CHL1: variants seen among roughly 807,000 people sequenced by gnomAD.
The protein encoded by CHL1 is cell adhesion molecule L1 like.
CHL1 carries 96 observed loss-of-function variants against 141.9 expected under a neutral mutation model. That is an observed-to-expected ratio of 0.68 (90% confidence interval 0.57 to 0.80). CHL1 has a LOEUF of 0.80. Ranked by LOEUF, CHL1 falls within the 30% of genes least tolerant of loss-of-function variation. CHL1 has a pLI of 0.00. For missense variants in CHL1, 1,820 were observed against 1,457.2 expected (o/e 1.25, Z -4.05); for synonymous variants, 613 against 502.2 (o/e 1.22, Z -2.95).
chr3:304,771 G>C (rs938960055), intron 2 of CHL1, among the ~76,000 whole-genome samples: 1 of 152,068 alleles, frequency 6.6e-6, no homozygotes, highest in Non-Finnish European at 1.5e-5. Context: ...GCTATTTCAT[G>C]TCTTTTGCTA....
At chr3:344,837 C>T (rs1499046) in intron 9 of CHL1, 128 bp downstream of exon 9, 574,775 of 925,952 alleles carry the variant, frequency 0.62, 182,923 homozygotes, top group Middle Eastern at 0.69. Flanking sequence ...TAAATTCTGC[C>T]GGGCACTGCA....
chr3:325,279 A>G (rs916579742), intron 3 of CHL1, among the ~76,000 whole-genome samples: 4 of 152,016 alleles, frequency 2.6e-5, no homozygotes, highest in African/African-American at 9.7e-5. Context: ...GCAAAAATAT[A>G]GAGAACCACT....
intron 1 of CHL1, among the ~76,000 whole-genome samples, chr3:198,615 TAATTTAACACCATAGATTTTTA>T (rs1201033272): frequency 6.6e-6 from 1 of 152,250 alleles, no homozygotes; most frequent in Non-Finnish European, 1.5e-5. Context: ...ATGATACAAG[TAATTTAACACCATAGATTTTTA>T]AATTTAACAC....
At chr3:265,510 C>CA (rs1695075454) in intron 2 of CHL1, among the ~76,000 whole-genome samples, 1 of 152,140 alleles carries the variant, frequency 6.6e-6, no homozygotes. Context: ...ACCTTTTAGT[C>CA]AAAAAATGCA....
intron 9 of CHL1, among the ~76,000 whole-genome samples, chr3:347,879 G>A (rs1317767136): frequency 6.6e-6 from 1 of 152,148 alleles, no homozygotes; most frequent in African/African-American, 2.4e-5. Context: ...ATTATTCCAG[G>A]CTGCACAGCA....
intron 1 of CHL1, among the ~76,000 whole-genome samples, chr3:205,256 G>A (rs1412592440): frequency 1.3e-5 from 2 of 151,698 alleles, no homozygotes; most frequent in Non-Finnish European, 2.9e-5. Context: ...GACTACAGAC[G>A]GGCACCATCA....
At chr3:357,367 T>C (rs1703812263) in intron 11 of CHL1, among the ~76,000 whole-genome samples, 1 of 152,208 alleles carries the variant, frequency 6.6e-6, no homozygotes, top group Non-Finnish European at 1.5e-5. Context: ...ATCAAAATGA[T>C]TGCTATTATT....
At chr3:337,945 A>T (rs1702049064) in intron 5 of CHL1, among the ~76,000 whole-genome samples, 1 of 152,016 alleles carries the variant, frequency 6.6e-6, no homozygotes, top group South Asian at 2.1e-4. Context: ...GAGGAATAAC[A>T]CTGTCTTCCA....
intron 2 of CHL1, among the ~76,000 whole-genome samples, chr3:252,606 A>C (rs76046833): frequency 0.013 from 2,028 of 151,694 alleles, 54 homozygotes; most frequent in African/African-American, 0.047. Flanking sequence ...TCGAGTGAAA[A>C]TTAGATCTCA....
Position 394,869 on chromosome 3 carries a change from G to A in CHL1, c.3091G>A (p.Gly1031Arg). 1 of 1,607,696 alleles carries A rather than the reference G, an allele frequency of 6.2e-7. No individual in the cohort carries two copies. ...ITEESSTLGE[G>R]SKGIGKISGV... ...GGAGGAAAGCTCCACCTTAGGAGAAGGGAGTAAGTACATGAGGCTTCTCTT... is the reference window on the plus strand; with the variant it reads ...GGAGGAAAGCTCCACCTTAGGAGAAAGGAGTAAGTACATGAGGCTTCTCTT... The change falls in exon 24 of 28, where the codon GGG (glycine) becomes AGG (arginine). Residue 1031 changes from glycine to arginine, a missense_variant. Transcript: ENST00000256509.
At chr3:222,605 T>C (rs986600888) in intron 1 of CHL1, among the ~76,000 whole-genome samples, 2 of 152,138 alleles carry the variant, frequency 1.3e-5, no homozygotes, top group African/African-American at 2.4e-5. Context: ...TAGATGGACT[T>C]GTAAATGATT....
chr3:206,387 A>G (rs1450473334), intron 1 of CHL1, among the ~76,000 whole-genome samples: 2 of 151,698 alleles, frequency 1.3e-5, no homozygotes, highest in Non-Finnish European at 2.9e-5. Context: ...AATCACTTGA[A>G]CCCAGGAGGC....
intron 2 of CHL1, among the ~76,000 whole-genome samples, chr3:293,503 A>T (rs1309864186): frequency 6.6e-6 from 1 of 152,084 alleles, no homozygotes; most frequent in Non-Finnish European, 1.5e-5. Flanking sequence ...ACACTCCATC[A>T]AAAAAAATTT....
chr3:266,310 C>T (rs1018453240), intron 2 of CHL1, among the ~76,000 whole-genome samples: 2 of 152,024 alleles, frequency 1.3e-5, no homozygotes, highest in East Asian at 1.9e-4. Context: ...GATGCACCAG[C>T]GAGCGACAAA....
At chr3:231,749 G>C (rs1701884564) in intron 1 of CHL1, among the ~76,000 whole-genome samples, 1 of 151,720 alleles carries the variant, frequency 6.6e-6, no homozygotes, top group African/African-American at 2.4e-5. Flanking sequence ...GCTAATTTTT[G>C]TATTTTTAGT....
At chr3:348,219 T>C (rs1259571617) in intron 9 of CHL1, among the ~76,000 whole-genome samples, 1 of 152,192 alleles carries the variant, frequency 6.6e-6, no homozygotes, top group Non-Finnish European at 1.5e-5. Flanking sequence ...GGGTATATCA[T>C]TTATTGCTCC....
At position 204,223 on chromosome 3, in the gene CHL1, T is replaced by C. The variant is rs9815955; in HGVS notation, c.-175+7160T>C. 4.6e-3 allele frequency among the ~76,000 whole-genome samples: 695 copies of C among 152,304 alleles called. 4 individuals are homozygous for C. Among genetic ancestry groups the C allele is most frequent in the African/African-American group, 0.015 (636 of 41,570 alleles). ...TGTATTCCAGCTTCTATGGTAATGG[T>C]TGGCATTTTTAGCAGAGGTTCCTCC... is the stretch of plus-strand genomic sequence containing the variant. On this transcript the variant is annotated intron_variant, in intron 1 of 27. Coordinates refer to ENST00000256509, the MANE Select transcript of CHL1 (RefSeq NM_006614.4).
chr3:384,288 A>G (rs1707406060), intron 19 of CHL1: 1 of 153,948 alleles, frequency 6.5e-6, no homozygotes, highest in Non-Finnish European at 1.4e-5. Context: ...ACTACTCATT[A>G]AACACCAGTA....
intron 5 of CHL1, among the ~76,000 whole-genome samples, chr3:334,077 C>G (rs560663259): frequency 6.6e-5 from 10 of 152,302 alleles, no homozygotes; most frequent in African/African-American, 2.2e-4. Flanking sequence ...CCACCTAAAC[C>G]TACCCAGTAG....
Sources: allele counts gnomAD v4.1 joint callset (sites outside exome capture counted in the v4.1 genomes callset), GRCh38; gene constraint gnomAD v4.1.1; transcripts MANE v1.5; gene names NCBI Gene and HGNC (gene_info 2026-07-23, HGNC 2026-07-21).